Variants in LMX1A observed in about 807,000 individuals in gnomAD.
The protein encoded by LMX1A is LIM homeobox transcription factor 1-alpha.
LMX1A carries 15 observed loss-of-function variants against 49.1 expected under a neutral mutation model. The observed-to-expected ratio is 0.31, with a 90% CI of 0.20 to 0.47. LMX1A has a LOEUF of 0.47. Among genes scored for constraint, LMX1A ranks in the 20% least tolerant of loss-of-function variants. The pLI is 1.00. For synonymous variants in LMX1A, 167 were observed against 185.7 expected (o/e 0.90, Z 0.82); for missense variants, 372 against 475.8 (o/e 0.78, Z 2.03).
chr1:165,278,566 T>A (rs1011307286), intron 3 of LMX1A, among the ~76,000 whole-genome samples: 4 of 152,102 alleles, frequency 2.6e-5, no homozygotes, highest in African/African-American at 4.8e-5. Context: ...TTCTCTCTTC[T>A]CTCTTCCCCA....
chr1:165,266,595 C>CTTTCT (rs1276055004), intron 3 of LMX1A, among the ~76,000 whole-genome samples: 1 of 79,180 alleles, frequency 1.3e-5, no homozygotes, highest in Non-Finnish European at 2.2e-5. Flanking sequence ...TTCTTTCTTT[C>CTTTCT]TTTTTTTTTT....
rs937715763 is a variant in LMX1A at position 165,328,873 on chromosome 1, T to G, written c.263+24203A>C. On this transcript the variant is annotated intron_variant, in intron 3 of 8. Transcript: ENST00000342310. ...TTGTCAGGAAAAATGAAGCAATTTATCTCTCTGGAGCAGAAATCTCAAAAT... is the reference window on the plus strand; with the variant it reads ...TTGTCAGGAAAAATGAAGCAATTTAGCTCTCTGGAGCAGAAATCTCAAAAT... Among the ~76,000 whole-genome samples, 3 of 152,216 alleles carry G rather than the reference T, an allele frequency of 2.0e-5. No homozygotes were observed. In the South Asian group the frequency reaches 6.2e-4, roughly 32 times the overall value.
At chr1:165,339,324 C>T (rs961018116) in intron 3 of LMX1A, among the ~76,000 whole-genome samples, 7 of 152,206 alleles carry the variant, frequency 4.6e-5, no homozygotes, top group Admixed American at 3.9e-4. Flanking sequence ...TCCCAAGCAT[C>T]ACAGAAAGCG....
At chr1:165,296,926 G>A (rs76248268) in intron 3 of LMX1A, among the ~76,000 whole-genome samples, 2,537 of 152,332 alleles carry the variant, frequency 0.017, 71 homozygotes, top group African/African-American at 0.058. Flanking sequence ...TAGCCAAAAG[G>A]CTTCTGCATT....
intron 3 of LMX1A, among the ~76,000 whole-genome samples, chr1:165,346,032 G>T (rs1014796286): frequency 6.6e-6 from 1 of 152,210 alleles, no homozygotes. Flanking sequence ...GGAGGGAGAA[G>T]GGGACAGAGG....
chr1:165,268,877 T>C (rs4657430), intron 3 of LMX1A, among the ~76,000 whole-genome samples: 21,574 of 152,288 alleles, frequency 0.14, 2,009 homozygotes, highest in Non-Finnish European at 0.22. Context: ...TTGTAAGCCA[T>C]TGCAAAGACC....
intron 3 of LMX1A, among the ~76,000 whole-genome samples, chr1:165,312,522 A>C (rs950896911): frequency 6.6e-6 from 1 of 152,010 alleles, no homozygotes. Flanking sequence ...TTCCCAGCCC[A>C]GGTTTTAAGA....
intron 3 of LMX1A, among the ~76,000 whole-genome samples, chr1:165,275,841 G>GTA (rs759265807): frequency 2.2e-3 from 158 of 72,288 alleles, no homozygotes; most frequent in African/African-American, 8.8e-3. Flanking sequence ...GCTGGGGTGT[G>GTA]TGTGTATGTG....
intron 4 of LMX1A, among the ~76,000 whole-genome samples, chr1:165,245,600 C>A (rs571197567): frequency 1.4e-4 from 21 of 150,218 alleles, no homozygotes; most frequent in Middle Eastern, 3.4e-3. Flanking sequence ...TTAAAATTAG[C>A]CCACATATTC....
At chr1:165,211,843 C>T (rs1651411412) in intron 5 of LMX1A, among the ~76,000 whole-genome samples, 1 of 152,296 alleles carries the variant, frequency 6.6e-6, no homozygotes, top group East Asian at 1.9e-4. Context: ...CCTTCCCTTG[C>T]TTCCTGGCTT....
chr1:165,296,134 C>T (rs1320634486), intron 3 of LMX1A, among the ~76,000 whole-genome samples: 1 of 152,206 alleles, frequency 6.6e-6, no homozygotes, highest in African/African-American at 2.4e-5. Flanking sequence ...GTCTATCACA[C>T]TCTGTCCATC....
Position 165,323,937 on chromosome 1 carries a change from A to C in LMX1A, c.263+29139T>G, listed in dbSNP as rs1161173430. ...CATTTACTGAATGGATAAAAGGTTG[A>C]CTGGATGTTAATTGTCTACTAAATG... is the stretch of plus-strand genomic sequence containing the variant. On this transcript the variant is annotated intron_variant, in intron 3 of 8. Coordinates refer to ENST00000342310, the MANE Select transcript of LMX1A (RefSeq NM_177398.4). Among the ~76,000 whole-genome samples the C allele has an allele frequency of 1.3e-5, 2 of 152,248 alleles. 1 individual carries two copies. Among genetic ancestry groups the C allele is most frequent in the Non-Finnish European group, 2.9e-5 (2 of 68,044 alleles).
rs143921414 is a variant in LMX1A at position 165,298,146 on chromosome 1, T to C, written c.264-48506A>G. The stretch of plus-strand genomic sequence containing the variant: ...TCTCCTTGGGTGCAAGTACCCAAGC[T>C]CAGGGCTGATTCTCTTTCTGCTCAT... On this transcript the variant is annotated intron_variant, in intron 3 of 8. Coordinates refer to ENST00000342310, the MANE Select transcript of LMX1A (RefSeq NM_177398.4). Among the ~76,000 whole-genome samples the C allele has an allele frequency of 1.4e-3, 220 of 152,310 alleles. 1 individual carries two copies. The highest frequency in any genetic ancestry group is 3.6e-3 in the African/African-American group (151 of 41,566).
chr1:165,249,414 C>A lies in LMX1A; in HGVS notation c.490G>T (p.Asp164Tyr). The A allele has an allele frequency of 6.2e-7, 1 of 1,613,264 alleles. No individual in the cohort carries two copies. Among genetic ancestry groups the A allele is most frequent in the South Asian group, 1.1e-5 (1 of 91,076 alleles). Residue 164 changes from aspartate to tyrosine, a missense_variant, in exon 4 of 9, where the codon GAC becomes TAC. By Grantham distance (160) the Asp-to-Tyr change is radical (BLOSUM62 -3). This residue lies in a region of LMX1A where 199 missense variants were observed against 244.0 expected (regional missense o/e 0.82). Transcript: ENST00000342310. Reference sequence around the variant, plus strand: ...CCCACCACCTGGCACTCACCTGAGTCTGAGGCTGCTGGGCTCACCAGGCTG... The same window carrying A: ...CCCACCACCTGGCACTCACCTGAGTATGAGGCTGCTGGGCTCACCAGGCTG... ...LLSLVSPAAS[D>Y]SGKSDDEESL...
chr1:165,280,520 A>G (rs575146328), intron 3 of LMX1A, among the ~76,000 whole-genome samples: 1 of 152,234 alleles, frequency 6.6e-6, no homozygotes, highest in Non-Finnish European at 1.5e-5. Flanking sequence ...ATGCTGCATT[A>G]GACTGTTTAT....
chr1:165,321,624 C>T (rs1216105838), intron 3 of LMX1A, among the ~76,000 whole-genome samples: 1 of 152,084 alleles, frequency 6.6e-6, no homozygotes, highest in African/African-American at 2.4e-5. Context: ...ACAAAATGGA[C>T]CAAAGACCTA....
At chr1:165,226,805 T>C (rs544923548) in intron 4 of LMX1A, among the ~76,000 whole-genome samples, 2 of 152,376 alleles carry the variant, frequency 1.3e-5, no homozygotes, top group African/African-American at 2.4e-5. Context: ...CTTAGTTACA[T>C]AGACACTTTA....
At chr1:165,242,847 G>A (rs1652703184) in intron 4 of LMX1A, among the ~76,000 whole-genome samples, 2 of 149,852 alleles carry the variant, frequency 1.3e-5, no homozygotes, top group South Asian at 2.1e-4. Context: ...GGAGAATGGC[G>A]TGAACCCGGC....
At chr1:165,227,714 A>C (rs1652086153) in intron 4 of LMX1A, among the ~76,000 whole-genome samples, 1 of 152,312 alleles carries the variant, frequency 6.6e-6, no homozygotes, top group Admixed American at 6.5e-5. Context: ...TGAGCACCAT[A>C]GTATCCATTC....
Sources: gnomAD v4.1 joint callset for allele counts (sites outside exome capture counted in the v4.1 genomes callset) on GRCh38, gnomAD v4.1.1 for gene constraint, gnomAD v4.1.1 regional missense constraint, MANE v1.5 for transcripts, NCBI Gene and HGNC (gene_info 2026-07-23, HGNC 2026-07-21) for gene names.